ELF1: variants seen among roughly 807,000 people sequenced by gnomAD.
The protein encoded by ELF1 is ETS-related transcription factor Elf-1.
A neutral mutation model predicts 59.9 loss-of-function variants in ELF1; 24 were observed. That is an observed-to-expected ratio of 0.40 (90% CI 0.29 to 0.56). The LOEUF is 0.56. Among genes scored for constraint, ELF1 ranks in the 20% least tolerant of loss-of-function variants. ELF1 has a pLI of 0.44. For missense variants in ELF1, 627 were observed against 742.2 expected (o/e 0.84, Z 1.80); for synonymous variants, 248 against 266.2 (o/e 0.93, Z 0.67).
intron 1 of ELF1, among the ~76,000 whole-genome samples, chr13:41,006,076 G>A (rs535244651): frequency 2.0e-5 from 3 of 152,300 alleles, no homozygotes; most frequent in East Asian, 1.9e-4. Context: ...CTTTCCTAAA[G>A]AGAACTTAAC....
rs1566172060 is a variant in ELF1, at chr13:40,958,849, G to GTCA, written c.237_239dup (p.Asp80dup). ...AGACACACGCACCTGTAAGGGTGAT[G>GTCA]TCATCATCATCATCGTCTATGATTT... On this transcript the variant is annotated inframe_insertion, in exon 3 of 9. Transcript: ENST00000239882. The GTCA allele has an allele frequency of 8.1e-6, 13 of 1,611,556 alleles. No homozygotes were observed. The highest frequency in any genetic ancestry group is 1.1e-5 in the South Asian group (1 of 90,762).
At chr13:40,949,227 C>T (rs1423908031) in intron 5 of ELF1, among the ~76,000 whole-genome samples, 1 of 152,018 alleles carries the variant, frequency 6.6e-6, no homozygotes, top group Non-Finnish European at 1.5e-5. Flanking sequence ...CTCAGGTTAT[C>T]CACCCACCCC....
At chr13:41,017,931 T>C (rs1875507979) in intron 1 of ELF1, among the ~76,000 whole-genome samples, 1 of 152,192 alleles carries the variant, frequency 6.6e-6, no homozygotes, top group African/African-American at 2.4e-5. Context: ...CTCAGCTGAA[T>C]TGGTAAAATG....
At chr13:40,943,719 G>C in intron 6 of ELF1, 123 bp downstream of exon 6, 1 of 686,632 alleles carries the variant, frequency 1.5e-6, no homozygotes, top group Non-Finnish European at 2.2e-6. Context: ...TATCTAATAA[G>C]CATGTGGCAG....
At chr13:41,037,129 A>C (rs1876414332) in intron 1 of ELF1, among the ~76,000 whole-genome samples, 1 of 151,796 alleles carries the variant, frequency 6.6e-6, no homozygotes, top group African/African-American at 2.4e-5. Context: ...ATTAAAAAAA[A>C]CCTTAAAAGT....
At chr13:41,060,516 C>T (rs925358835) in intron 1 of ELF1, among the ~76,000 whole-genome samples, 2 of 152,086 alleles carry the variant, frequency 1.3e-5, no homozygotes, top group African/African-American at 4.8e-5. Context: ...GAGCCGGAGG[C>T]GGGAGGGAGA....
intron 1 of ELF1, among the ~76,000 whole-genome samples, chr13:41,011,176 T>C (rs1366539379): frequency 2.0e-5 from 3 of 152,226 alleles, no homozygotes; most frequent in Non-Finnish European, 4.4e-5. Context: ...TAAAAGTTCA[T>C]GGATGTTAAT....
At chr13:41,035,905 C>CTT (rs537271056) in intron 1 of ELF1, among the ~76,000 whole-genome samples, 52 of 141,752 alleles carry the variant, frequency 3.7e-4, no homozygotes, top group Admixed American at 1.3e-3. Context: ...TTCTTTTTTT[C>CTT]TTTTTTTTTT....
At chr13:40,951,853 T>G (rs1001025654) in intron 3 of ELF1, among the ~76,000 whole-genome samples, 30 of 150,932 alleles carry the variant, frequency 2.0e-4, no homozygotes, top group African/African-American at 6.3e-4. Flanking sequence ...GGTGACAGAG[T>G]GAGACTCTGT....
chr13:41,002,584 T>TAAA (rs749504259), intron 1 of ELF1, among the ~76,000 whole-genome samples: 4 of 117,068 alleles, frequency 3.4e-5, no homozygotes, highest in Admixed American at 8.7e-5. Context: ...GACCTTACCT[T>TAAA]AAAAAAAAAA....
intron 1 of ELF1, among the ~76,000 whole-genome samples, chr13:41,007,447 A>T (rs1874819046): frequency 6.6e-6 from 1 of 152,182 alleles, no homozygotes; most frequent in Non-Finnish European, 1.5e-5. Flanking sequence ...AAAATGATTG[A>T]TACCACTGCC....
intron 1 of ELF1, among the ~76,000 whole-genome samples, chr13:40,983,348 CT>C (rs1253669720): frequency 6.6e-6 from 1 of 152,164 alleles, no homozygotes; most frequent in Non-Finnish European, 1.5e-5. Flanking sequence ...GGGGATGAAG[CT>C]GATCTAGTGA....
chr13:41,060,722 G>C (rs1489206069), intron 1 of ELF1: 1 of 162,926 alleles, frequency 6.1e-6, no homozygotes, highest in Admixed American at 6.5e-5. Flanking sequence ...CAAAAAAAAA[G>C]AAAAATAAGG....
chr13:40,961,885 TC>T (rs1386147853), intron 2 of ELF1, among the ~76,000 whole-genome samples: 4 of 152,202 alleles, frequency 2.6e-5, no homozygotes, highest in Admixed American at 2.6e-4. Flanking sequence ...AAAATGCAAT[TC>T]ACAGGAGCAG....
intron 1 of ELF1, among the ~76,000 whole-genome samples, chr13:41,058,976 CA>C (rs973869538): frequency 1.3e-5 from 2 of 149,748 alleles, no homozygotes; most frequent in Non-Finnish European, 2.9e-5. Context: ...TCCGTCTCAA[CA>C]AAAAAAAGAA....
chr13:41,055,264 C>G (rs1428764887), intron 1 of ELF1, among the ~76,000 whole-genome samples: 1 of 152,064 alleles, frequency 6.6e-6, no homozygotes, highest in Non-Finnish European at 1.5e-5. Context: ...ACTACAGACC[C>G]TAATCTATTT....
At chr13:41,056,759 G>GA (rs1006889343) in intron 1 of ELF1, among the ~76,000 whole-genome samples, 6 of 151,972 alleles carry the variant, frequency 3.9e-5, no homozygotes, top group African/African-American at 1.4e-4. Flanking sequence ...CTAAGAAAAT[G>GA]AAAAAAATGT....
intron 2 of ELF1, among the ~76,000 whole-genome samples, chr13:40,974,503 C>T (rs1872783697): frequency 6.6e-6 from 1 of 152,152 alleles, no homozygotes; most frequent in African/African-American, 2.4e-5. Flanking sequence ...GAATTAGGAG[C>T]ACCTACTTCT....
intron 1 of ELF1, among the ~76,000 whole-genome samples, chr13:41,027,432 T>A (rs1269055201): frequency 6.6e-6 from 1 of 152,144 alleles, no homozygotes; most frequent in East Asian, 1.9e-4. Context: ...GGATGGAGGT[T>A]ATTCACGGGC....
Sources: gnomAD v4.1 joint callset for allele counts (sites outside exome capture counted in the v4.1 genomes callset) on GRCh38, gnomAD v4.1.1 for gene constraint, MANE v1.5 for transcripts, NCBI Gene and HGNC (gene_info 2026-07-23, HGNC 2026-07-21) for gene names.